The following KDM4A variants were observed in gnomAD, a reference collection of about 807,000 sequenced individuals.
KDM4A encodes the protein lysine-specific demethylase 4A.
A neutral mutation model predicts 127.1 loss-of-function variants in KDM4A; 23 were observed. That is an observed-to-expected ratio of 0.18 (90% CI 0.13 to 0.26). KDM4A has a LOEUF of 0.26. Among genes scored for constraint, KDM4A ranks in the 10% least tolerant of loss-of-function variants. The pLI is 1.00. For synonymous variants in KDM4A, 443 were observed against 466.5 expected, an observed-to-expected ratio of 0.95 and a Z score of 0.65; for missense variants, 890 against 1,329.1, an observed-to-expected ratio of 0.67 and a Z score of 5.14.
intron 5 of KDM4A, among the ~76,000 whole-genome samples, chr1:43,664,171 A>G (rs962525568): frequency 6.6e-6 from 1 of 151,226 alleles, no homozygotes; most frequent in African/African-American, 2.5e-5. Context: ...AAAACATGAG[A>G]AGGACATAAC....
chr1:43,653,123 A>T lies in KDM4A; in HGVS notation c.-39-14A>T. On this transcript the variant is annotated splice_polypyrimidine_tract_variant and intron_variant, in intron 1 of 21. Coordinates refer to ENST00000372396, the MANE Select transcript of KDM4A (RefSeq NM_014663.3). ...ATTTTTATATTATTTTATACTCTTA[A>T]TGTGTTTCTTCAGATTCCTGTCTGA... is the stretch of plus-strand genomic sequence containing the variant. 1.4e-6 allele frequency: 2 copies of T among 1,446,748 alleles called. No individual in the cohort carries two copies. Among genetic ancestry groups the T allele is most frequent in the Non-Finnish European group, 1.9e-6 (2 of 1,057,186 alleles). The allele number at this position is 1,446,748 out of a possible 1,614,324, so 89.6% of individuals were successfully genotyped here. A position where few individuals can be genotyped will look rare whatever the true frequency, so the allele number is the denominator to read the frequency against.
At chr1:43,659,609 A>G (rs1283104536) in intron 3 of KDM4A, among the ~76,000 whole-genome samples, 1 of 152,134 alleles carries the variant, frequency 6.6e-6, no homozygotes, top group African/African-American at 2.4e-5. Flanking sequence ...TGTGAGCCAC[A>G]CCCCTGGCCA....
chr1:43,704,406 G>C lies in KDM4A; in HGVS notation c.*36G>C. On this transcript the variant is annotated 3_prime_UTR_variant, in exon 22 of 22. Transcript: ENST00000372396. ...GGTCCAAGGGATTCTCAGCCATCCA[G>C]GCAAGAGCACTCTGGGTTCCACAGC... 6.3e-7 allele frequency: 1 copy of C among 1,598,156 alleles called. No individual in the cohort carries two copies. Among genetic ancestry groups the C allele is most frequent in the Non-Finnish European group, 8.5e-7 (1 of 1,172,814 alleles).
chr1:43,665,865 C>T (rs1057053948), intron 6 of KDM4A, 120 bp downstream of exon 6: 122 of 967,768 alleles, frequency 1.3e-4, no homozygotes, highest in South Asian at 2.6e-4. Context: ...GGCCTGCAGA[C>T]GGGGGTGAGC....
intron 19 of KDM4A, chr1:43,703,273 G>A: frequency 4.8e-6 from 1 of 207,844 alleles, no homozygotes; most frequent in Non-Finnish European, 9.9e-6. Context: ...GTTGAGTATG[G>A]TTCTAGTATT....
intron 13 of KDM4A, 138 bp downstream of exon 13, chr1:43,689,233 G>A (rs1158453803): frequency 1.1e-5 from 9 of 832,798 alleles, no homozygotes; most frequent in African/African-American, 8.5e-5. Context: ...CCCCATCTGT[G>A]TATTGGTCAG....
rs115893569 is a variant in KDM4A, at chr1:43,674,527, T to C, written c.1734+2652T>C. ...AAATGGCCCTGCTACTTTTTTTTTT[T>C]TTGTGGGGGGACTGAGTCTCGCTCT... On this transcript the variant is annotated intron_variant, in intron 11 of 21. Coordinates refer to ENST00000372396, the MANE Select transcript of KDM4A (RefSeq NM_014663.3). Among the ~76,000 whole-genome samples the C allele has an allele frequency of 9.7e-3, 1,473 of 151,612 alleles. 25 individuals are homozygous for C. Among genetic ancestry groups the C allele is most frequent in the African/African-American group, 0.035 (1,433 of 41,290 alleles).
intron 11 of KDM4A, among the ~76,000 whole-genome samples, chr1:43,678,105 A>G (rs1660780811): frequency 6.6e-6 from 1 of 152,138 alleles, no homozygotes; most frequent in South Asian, 2.1e-4. Context: ...GGTGTCATCC[A>G]TATAGGATAA....
chr1:43,668,103 GT>G (rs367999082), intron 9 of KDM4A, 84 bp downstream of exon 9: 24 of 1,516,062 alleles, frequency 1.6e-5, no homozygotes, highest in South Asian at 3.7e-5. Flanking sequence ...GCTGTTTCTT[GT>G]TTTTTTTGTT....
intron 2 of KDM4A, 32 bp from the exon 3 acceptor site, chr1:43,655,559 A>G (rs758086726): frequency 1.9e-6 from 3 of 1,563,894 alleles, no homozygotes; most frequent in Non-Finnish European, 1.7e-6. Context: ...CAGGTTTCTC[A>G]TCTGTCTTTT....
chr1:43,669,813 T>A (rs1660578778), intron 10 of KDM4A, among the ~76,000 whole-genome samples: 1 of 152,070 alleles, frequency 6.6e-6, no homozygotes, highest in Non-Finnish European at 1.5e-5. Flanking sequence ...CATGCCTGGC[T>A]AATTTTTTTT....
intron 5 of KDM4A, among the ~76,000 whole-genome samples, chr1:43,664,823 T>C (rs991753052): frequency 1.2e-4 from 19 of 152,222 alleles, no homozygotes; most frequent in Admixed American, 9.2e-4. Flanking sequence ...TTCCAGTTAT[T>C]ATATACATTC....
chr1:43,651,973 A>C (rs879602826), intron 1 of KDM4A, among the ~76,000 whole-genome samples: 1 of 152,276 alleles, frequency 6.6e-6, no homozygotes, highest in Admixed American at 6.5e-5. Flanking sequence ...TAGTTTCAAC[A>C]GAACAGTTTC....
At chr1:43,667,214 A>C (rs1202114641) in intron 8 of KDM4A, 123 bp downstream of exon 8, 2 of 1,063,750 alleles carry the variant, frequency 1.9e-6, no homozygotes, top group East Asian at 2.4e-5. Context: ...AGCAGCTAGC[A>C]ATGTGTCAGA....
Position 43,653,141 on chromosome 1 carries a change from C to T in KDM4A, c.-35C>T. 6.4e-7 allele frequency: 1 copy of T among 1,566,626 alleles called. No individual in the cohort carries two copies. The highest frequency in any genetic ancestry group is 8.7e-7 in the Non-Finnish European group (1 of 1,154,472). On this transcript the variant is annotated 5_prime_UTR_variant, in exon 2 of 22. Coordinates refer to ENST00000372396, the MANE Select transcript of KDM4A (RefSeq NM_014663.3). ...ACTCTTAATGTGTTTCTTCAGATTCCTGTCTGACTAAAGGGACCTCAAAAA... is the reference window on the plus strand; with the variant it reads ...ACTCTTAATGTGTTTCTTCAGATTCTTGTCTGACTAAAGGGACCTCAAAAA...
Position 43,703,602 on chromosome 1 carries a change from T to C in KDM4A, c.2842-15T>C, listed in dbSNP as rs1383224668. 6.2e-7 allele frequency: 1 copy of C among 1,613,364 alleles called. No homozygotes were observed. Among genetic ancestry groups the C allele is most frequent in the East Asian group, 2.2e-5 (1 of 44,868 alleles). ...TGGACGTTCCTTTCACCCTCCTTCCTTCCTGTTTCCTCAGAGCCAGGACTG... is the reference window on the plus strand; with the variant it reads ...TGGACGTTCCTTTCACCCTCCTTCCCTCCTGTTTCCTCAGAGCCAGGACTG... On this transcript the variant is annotated splice_polypyrimidine_tract_variant and intron_variant, in intron 19 of 21. Transcript: ENST00000372396.
intron 4 of KDM4A, among the ~76,000 whole-genome samples, chr1:43,661,044 A>G (rs1467338447): frequency 2.0e-5 from 3 of 150,796 alleles, no homozygotes; most frequent in Non-Finnish European, 4.4e-5. Context: ...GCGCGATCTC[A>G]GCTTACCGCA....
At chr1:43,680,827 C>G (rs2154047940) in intron 11 of KDM4A, among the ~76,000 whole-genome samples, 1 of 152,320 alleles carries the variant, frequency 6.6e-6, no homozygotes, top group East Asian at 1.9e-4. Flanking sequence ...GGGTACGCTC[C>G]CTATTTTAAA....
At chr1:43,676,360 C>T (rs761437226) in intron 11 of KDM4A, among the ~76,000 whole-genome samples, 5 of 152,214 alleles carry the variant, frequency 3.3e-5, no homozygotes, top group East Asian at 3.9e-4. Flanking sequence ...CTTGCTCTGT[C>T]GCCCAGGCTG....
Sources: gnomAD v4.1 joint callset for allele counts (sites outside exome capture counted in the v4.1 genomes callset) on GRCh38, gnomAD v4.1.1 for gene constraint, MANE v1.5 for transcripts, NCBI Gene and HGNC (gene_info 2026-07-23, HGNC 2026-07-21) for gene names.